The following METTL18 variants were observed in gnomAD, a reference collection of about 807,000 sequenced individuals.
METTL18 encodes the protein histidine protein methyltransferase 1 homolog.
In METTL18, 15 loss-of-function variants were observed where a neutral mutation model predicts 19.6. The observed-to-expected ratio is 0.77, with a 90% CI of 0.51 to 1.18. The LOEUF (loss-of-function observed/expected upper bound fraction) is 1.18, where lower values mean the gene tolerates loss of function less well. Ranked by LOEUF, METTL18 falls within the 50% of genes most tolerant of loss-of-function variation. The pLI is 0.00. For missense variants in METTL18, 392 were observed against 418.8 expected, an observed-to-expected ratio of 0.94 and a Z score of 0.56; for synonymous variants, 131 against 145.2, an observed-to-expected ratio of 0.90 and a Z score of 0.70.
Position 169,793,400 on chromosome 1 carries a change from G to T in METTL18, c.296C>A (p.Ala99Asp). The T allele has an allele frequency of 6.2e-7, 1 of 1,614,202 alleles. No individual in the cohort carries two copies. Among genetic ancestry groups the T allele is most frequent in the Non-Finnish European group, 8.5e-7 (1 of 1,180,026 alleles). Residue 99 changes from alanine (A) to aspartate (D), a missense_variant, in exon 2 of 2, where the codon GCT becomes GAT. By Grantham distance (126) the Ala-to-Asp change is moderately radical. Transcript: ENST00000310392. ...TTTAGGCATAGCATGCTCTTTGGCA[G>T]CTCTCAAGGAGGGCTGTTTTCCATG... Reference protein sequence around the residue: ...EPHGKQPSLRAAKEHAMPKDL... With the variant: ...EPHGKQPSLRDAKEHAMPKDL...
In METTL18 at chr1:169,793,843, T is replaced by TA. The variant is rs1258322018; in HGVS notation, c.-149dup. The TA allele has an allele frequency of 1.7e-6, 1 of 594,534 alleles. No homozygotes were observed. Among genetic ancestry groups the TA allele is most frequent in the Non-Finnish European group, 2.7e-6 (1 of 368,726 alleles). 36.8% of individuals were successfully genotyped at this position (594,534 alleles called of 1,614,324 possible). On this transcript the variant is annotated 5_prime_UTR_variant, in exon 2 of 2. Transcript: ENST00000310392. ...CAGCTTATACATGGTAACAAATATT[T>TA]AGAGATATTTCCAAATGACTTTTTA...
Position 169,792,882 on chromosome 1 carries a change from C to G in METTL18, c.814G>C (p.Glu272Gln), listed in dbSNP as rs1650176039. 1.9e-6 allele frequency: 3 copies of G among 1,614,156 alleles called. No individual in the cohort carries two copies. The highest frequency in any genetic ancestry group is 2.5e-6 in the Non-Finnish European group (3 of 1,180,020). Residue 272 changes from glutamate (E) to glutamine (Q), a missense_variant, in exon 2 of 2, where the codon GAG (glutamate) becomes CAG (glutamine). Coordinates refer to ENST00000310392, the MANE Select transcript of METTL18 (RefSeq NM_033418.4). Reference protein sequence around the residue: ...KCRFFSGEWSEFCKLVLSSEK... With the variant: ...KCRFFSGEWSQFCKLVLSSEK... ...CTACTTAGTACAAGCTTACAAAACT[C>G]AGACCACTCACCAGAAAAAAATCGG...
At position 169,794,852 on chromosome 1, in the gene METTL18, G is replaced by C. The variant is rs1650398406; in HGVS notation, c.-240C>G. 8.2e-6 allele frequency: 4 copies of C among 489,792 alleles called. No individual in the cohort carries two copies. Among genetic ancestry groups the C allele is most frequent in the Non-Finnish European group, 1.1e-5 (3 of 269,418 alleles). The allele number at this position is 489,792 out of a possible 1,614,324, so 30.3% of individuals were successfully genotyped here. ...GCTTCCCGACGTGTCCTGGGATCGC[G>C]CTTCTGAAAAAGCTCACCTCACAAC... is the stretch of plus-strand genomic sequence containing the variant. On this transcript the variant is annotated 5_prime_UTR_variant, in exon 1 of 2. Transcript: ENST00000310392.
chr1:169,793,313 T>C lies in METTL18; in HGVS notation c.383A>G (p.Lys128Arg), dbSNP rs1272255893. ...CAAGATGGTTTTCACTACTGATAAC[T>C]TAACATGCTGGAAACCTGGTAATGT... ...IETLPGFQHV[K>R]LSVVKTILLK... The change falls in exon 2 of 2, where the codon AAG becomes AGG. Residue 128 changes from lysine (K) to arginine (R), a missense_variant. Coordinates refer to ENST00000310392, the MANE Select transcript of METTL18 (RefSeq NM_033418.4). 1.9e-6 allele frequency: 3 copies of C among 1,614,006 alleles called. No homozygotes were observed. In the Admixed American group the frequency reaches 5.0e-5, roughly 27 times the overall value.
rs1650277999 is a variant in METTL18 at position 169,793,904 on chromosome 1, A to AT, written c.-202-8_-202-7insA. 8.4e-4 allele frequency: 326 copies of AT among 389,840 alleles called. No homozygotes were observed. Among genetic ancestry groups the AT allele is most frequent in the East Asian group, 1.1e-3 (29 of 25,476 alleles). The allele number at this position is 389,840 out of a possible 1,614,324, so 24.1% of individuals were successfully genotyped here. A position where few individuals can be genotyped will look rare whatever the true frequency, so the allele number is the denominator to read the frequency against. On this transcript the variant is annotated splice_region_variant and splice_polypyrimidine_tract_variant and intron_variant, in intron 1 of 1. Coordinates refer to ENST00000310392, the MANE Select transcript of METTL18 (RefSeq NM_033418.4). ...GTCCTCTTTCCAAGCAGCTCTGGAA[A>AT]GAAAAAAAAAAAAAAAAGAAAGAAA...
At position 169,792,798 on chromosome 1, in the gene METTL18, C is replaced by T. The variant is rs1465329772; in HGVS notation, c.898G>A (p.Asp300Asn). 1 of 1,613,072 alleles carries T rather than the reference C, an allele frequency of 6.2e-7. No homozygotes were observed. Among genetic ancestry groups the T allele is most frequent in the East Asian group, 2.2e-5 (1 of 44,868 alleles). ...ILTSETIYNPDYYSNLHQTFL... is the reference protein window; with the variant it reads ...ILTSETIYNPNYYSNLHQTFL... ...GTCTGGTGCAAATTACTATAATAAT[C>T]TGGGTTGTAAATGGTTTCTGAGGTG... Residue 300 changes from aspartate (D) to asparagine (N), a missense_variant, in exon 2 of 2, where the codon GAT becomes AAT. Coordinates refer to ENST00000310392, the MANE Select transcript of METTL18 (RefSeq NM_033418.4).
rs750763448 is a variant in METTL18, at chr1:169,793,102, T to G, written c.594A>C (p.Ser198=). Reference sequence around the variant, plus strand: ...TGAATGCAGTTATACCTAGTAAACCTGATCCACAACCAAGATCCAAGACTT... The same window carrying G: ...TGAATGCAGTTATACCTAGTAAACCGGATCCACAACCAAGATCCAAGACTT... ...GKKVLDLGCG[S]GLLGITAFKG... The change falls in exon 2 of 2, where the codon TCA becomes TCC. Residue 198 remains serine (S), a synonymous_variant. Transcript: ENST00000310392. 1.3e-5 allele frequency: 21 copies of G among 1,614,076 alleles called. No individual in the cohort carries two copies. In the East Asian group the frequency reaches 3.3e-4, roughly 26 times the overall value.
In METTL18 at chr1:169,792,759, A is replaced by C. The variant is rs940797261; in HGVS notation, c.937T>G (p.Leu313Val). The change falls in exon 2 of 2, where the codon TTA (leucine) becomes GTA (valine). Residue 313 changes from leucine (L) to valine (V), a missense_variant. By Grantham distance (32) the Leu-to-Val change is conservative. Coordinates refer to ENST00000310392, the MANE Select transcript of METTL18 (RefSeq NM_033418.4). ...SNLHQTFLRL[L>V]SKNGRVLLAS... ...AAAAGTACACGTCCATTTTTACTTA[A>C]CAGTCTAAGGAAAGTCTGGTGCAAA... The C allele has an allele frequency of 1.4e-5, 23 of 1,613,758 alleles. No individual in the cohort carries two copies. The highest frequency in any genetic ancestry group is 1.8e-5 in the Non-Finnish European group (21 of 1,179,910).
Position 169,793,902 on chromosome 1 carries a change from A to AAAT in METTL18, c.-202-6_-202-5insATT. 2.4e-6 allele frequency: 1 copy of AAAT among 417,634 alleles called. No homozygotes were observed. Among genetic ancestry groups the AAAT allele is most frequent in the Non-Finnish European group, 4.2e-6 (1 of 236,276 alleles). 25.9% of individuals were successfully genotyped at this position (417,634 alleles called of 1,614,324 possible). On this transcript the variant is annotated splice_region_variant and splice_polypyrimidine_tract_variant and intron_variant, in intron 1 of 1. Coordinates refer to ENST00000310392, the MANE Select transcript of METTL18 (RefSeq NM_033418.4). The stretch of plus-strand genomic sequence containing the variant: ...TGGTCCTCTTTCCAAGCAGCTCTGG[A>AAAT]AAGAAAAAAAAAAAAAAAAGAAAGA...
chr1:169,792,847 A>G lies in METTL18; in HGVS notation c.849T>C (p.Leu283=). The change falls in exon 2 of 2, where the codon CTT becomes CTC. Residue 283 remains leucine, a synonymous_variant. Transcript: ENST00000310392. ...TGAGAATGAGATCATATTTTACAAA[A>G]AGTTTTTCACTACTTAGTACAAGCT... ...FCKLVLSSEK[L]FVKYDLILTS... is the part of the protein sequence containing the mutation. 3.7e-6 allele frequency: 6 copies of G among 1,613,920 alleles called. No individual in the cohort carries two copies. The highest frequency in any genetic ancestry group is 5.1e-6 in the Non-Finnish European group (6 of 1,179,968).
At position 169,793,553 on chromosome 1, in the gene METTL18, C is replaced by G; in HGVS notation, c.143G>C (p.Cys48Ser). 1 of 1,614,188 alleles carries G rather than the reference C, an allele frequency of 6.2e-7. No homozygotes were observed. Among genetic ancestry groups the G allele is most frequent in the Non-Finnish European group, 8.5e-7 (1 of 1,180,032 alleles). The change falls in exon 2 of 2, where the codon TGT (cysteine) becomes TCT (serine). Residue 48 changes from cysteine (C) to serine (S), a missense_variant. Transcript: ENST00000310392. ...SQKGEERDRK[C>S]SAEQFDLPQD... Reference sequence around the variant, plus strand: ...AGGCAAGTCAAATTGTTCTGCAGAACATTTTCTGTCCCTCTCTTCTCCTTT... The same window carrying G: ...AGGCAAGTCAAATTGTTCTGCAGAAGATTTTCTGTCCCTCTCTTCTCCTTT...
At position 169,793,745 on chromosome 1, in the gene METTL18, G is replaced by A; in HGVS notation, c.-50C>T. The A allele has an allele frequency of 6.8e-7, 1 of 1,477,822 alleles. No individual in the cohort carries two copies. Among genetic ancestry groups the A allele is most frequent in the Non-Finnish European group, 9.1e-7 (1 of 1,100,386 alleles). 91.5% of individuals were successfully genotyped at this position (1,477,822 alleles called of 1,614,324 possible). The stretch of plus-strand genomic sequence containing the variant: ...TTAAATTCAGATTCTTCAACTTCTG[G>A]ATAGAATTTGATGATACACACAAAT... On this transcript the variant is annotated 5_prime_UTR_variant, in exon 2 of 2. Transcript: ENST00000310392.
Position 169,794,877 on chromosome 1 carries a change from C to T in METTL18, c.-265G>A. ...GCTTCTGAAAAAGCTCACCTCACAA[C>T]GCCTCCTCCGGACCTAAATCGCGCA... is the stretch of plus-strand genomic sequence containing the variant. On this transcript the variant is annotated 5_prime_UTR_variant, in exon 1 of 2. Transcript: ENST00000310392. The T allele has an allele frequency of 1.8e-6, 1 of 543,342 alleles. No individual in the cohort carries two copies. The highest frequency in any genetic ancestry group is 3.3e-6 in the Non-Finnish European group (1 of 302,202). 33.7% of individuals were successfully genotyped at this position (543,342 alleles called of 1,614,324 possible).
In METTL18 at chr1:169,793,779, A is replaced by G. The variant is rs1389555864; in HGVS notation, c.-84T>C. The G allele has an allele frequency of 5.4e-6, 7 of 1,299,252 alleles. No homozygotes were observed. The African/African-American group carries it at 1.0e-4, about 19-fold the overall frequency. The allele number at this position is 1,299,252 out of a possible 1,614,324, so 80.5% of individuals were successfully genotyped here. On this transcript the variant is annotated 5_prime_UTR_variant, in exon 2 of 2. Coordinates refer to ENST00000310392, the MANE Select transcript of METTL18 (RefSeq NM_033418.4). ...TGATGATACACACAAATCTGCCTCA[A>G]TTATTCAATTAGTTTTGTTGGGCCC...
Position 169,793,762 on chromosome 1 carries a change from C to T in METTL18, c.-67G>A, listed in dbSNP as rs955399802. Reference sequence around the variant, plus strand: ...AACTTCTGGATAGAATTTGATGATACACACAAATCTGCCTCAATTATTCAA... The same window carrying T: ...AACTTCTGGATAGAATTTGATGATATACACAAATCTGCCTCAATTATTCAA... On this transcript the variant is annotated 5_prime_UTR_variant, in exon 2 of 2. Transcript: ENST00000310392. The T allele has an allele frequency of 7.0e-7, 1 of 1,422,308 alleles. No individual in the cohort carries two copies. The allele number at this position is 1,422,308 out of a possible 1,614,324, so 88.1% of individuals were successfully genotyped here. A position where few individuals can be genotyped will look rare whatever the true frequency, so the allele number is the denominator to read the frequency against.
In METTL18 at chr1:169,792,933, G is replaced by C. The variant is rs267598161; in HGVS notation, c.763C>G (p.Pro255Ala). 6 of 1,614,014 alleles carry C rather than the reference G, an allele frequency of 3.7e-6. No homozygotes were observed. Among genetic ancestry groups the C allele is most frequent in the African/African-American group, 1.3e-5 (1 of 75,030 alleles). Reference sequence around the variant, plus strand: ...CATTTATATAGTTGTGTTACTTTTGGTTTCCTGCATCTTTTCACATCTGGC... The same window carrying C: ...CATTTATATAGTTGTGTTACTTTTGCTTTCCTGCATCTTTTCACATCTGGC... ...NEPDVKRCRK[P>A]KVTQLYKCRF... is the part of the protein sequence containing the mutation. Residue 255 changes from proline to alanine, a missense_variant, in exon 2 of 2, where the codon CCA becomes GCA. Physicochemically the swap from Pro to Ala is conservative, Grantham distance 27. Coordinates refer to ENST00000310392, the MANE Select transcript of METTL18 (RefSeq NM_033418.4).
At position 169,792,845 on chromosome 1, in the gene METTL18, A is replaced by G. The variant is rs749428212; in HGVS notation, c.851T>C (p.Phe284Ser). Residue 284 changes from phenylalanine to serine, a missense_variant, in exon 2 of 2, where the codon TTT becomes TCT. Transcript: ENST00000310392. ...CKLVLSSEKL[F>S]VKYDLILTSE... ...GGTGAGAATGAGATCATATTTTACA[A>G]AAAGTTTTTCACTACTTAGTACAAG... The G allele has an allele frequency of 2.0e-5, 32 of 1,613,774 alleles. No homozygotes were observed. The highest frequency in any genetic ancestry group is 2.6e-5 in the Non-Finnish European group (31 of 1,179,966).
chr1:169,792,883 A>T lies in METTL18; in HGVS notation c.813T>A (p.Ser271=), dbSNP rs1361015430. The T allele has an allele frequency of 1.9e-6, 3 of 1,614,060 alleles. No homozygotes were observed. Among genetic ancestry groups the T allele is most frequent in the Non-Finnish European group, 2.5e-6 (3 of 1,180,026 alleles). The part of the protein sequence containing the change: ...YKCRFFSGEW[S]EFCKLVLSSE... ...TACTTAGTACAAGCTTACAAAACTC[A>T]GACCACTCACCAGAAAAAAATCGGC... Residue 271 remains serine (S), a synonymous_variant, in exon 2 of 2, where the codon TCT becomes TCA. Coordinates refer to ENST00000310392, the MANE Select transcript of METTL18 (RefSeq NM_033418.4).
rs1650267483 is a variant in METTL18, at chr1:169,793,753, T to C, written c.-58A>G. The C allele has an allele frequency of 6.8e-7, 1 of 1,469,916 alleles. No individual in the cohort carries two copies. Among genetic ancestry groups the C allele is most frequent in the Admixed American group, 2.3e-5 (1 of 43,902 alleles). The allele number at this position is 1,469,916 out of a possible 1,614,324, so 91.1% of individuals were successfully genotyped here. On this transcript the variant is annotated 5_prime_UTR_variant, in exon 2 of 2. Coordinates refer to ENST00000310392, the MANE Select transcript of METTL18 (RefSeq NM_033418.4). ...AGATTCTTCAACTTCTGGATAGAAT[T>C]TGATGATACACACAAATCTGCCTCA...
Sources: gnomAD v4.1 joint callset for allele counts on GRCh38, gnomAD v4.1.1 for gene constraint, MANE v1.5 for transcripts, NCBI Gene and HGNC (gene_info 2026-07-23, HGNC 2026-07-21) for gene names.